HTR2C: variants seen among roughly 807,000 people sequenced by gnomAD.
HTR2C encodes the protein 5-hydroxytryptamine (serotonin) receptor 2C, G protein-coupled.
In HTR2C, 5 loss-of-function variants were observed where a neutral mutation model predicts 21.0. The ratio of observed to expected loss-of-function variants is 0.24; its 90% confidence interval spans 0.12 to 0.50. The LOEUF is 0.50. Ranked by LOEUF, HTR2C falls within the 20% of genes least tolerant of loss-of-function variation. HTR2C has a pLI of 0.98. For missense variants in HTR2C, 271 were observed against 371.2 expected (o/e 0.73, Z 2.22); for synonymous variants, 150 against 145.3 (o/e 1.03, Z -0.23).
chrX:114,850,374 G>A (rs1431355395), intron 5 of HTR2C, among the ~76,000 whole-genome samples: 8 of 110,842 alleles, frequency 7.2e-5, no homozygotes, highest in Non-Finnish European at 9.4e-5. Context: ...ATGCCACTGC[G>A]CTCCAGCCTG....
chrX:114,673,964 ACTGT>A (rs1261726741), intron 2 of HTR2C, among the ~76,000 whole-genome samples: 3 of 111,936 alleles, frequency 2.7e-5, no homozygotes, highest in African/African-American at 6.5e-5. Flanking sequence ...CACATCAGAC[ACTGT>A]CTGTTTCAAG....
intron 5 of HTR2C, among the ~76,000 whole-genome samples, chrX:114,892,550 A>G (rs2071266033): frequency 8.9e-6 from 1 of 111,864 alleles, no homozygotes; most frequent in South Asian, 3.7e-4. Context: ...ACTAATATCA[A>G]TAAGTAATTT....
At chrX:114,678,953 A>G (rs1225916057) in intron 2 of HTR2C, among the ~76,000 whole-genome samples, 1 of 111,823 alleles carries the variant, frequency 8.9e-6, no homozygotes, top group African/African-American at 3.3e-5. Context: ...CTTCCTCAAG[A>G]GTTTCCTCAA....
At chrX:114,670,066 C>A (rs1367993246) in intron 2 of HTR2C, among the ~76,000 whole-genome samples, 1 of 110,395 alleles carries the variant, frequency 9.1e-6, no homozygotes, top group Non-Finnish European at 1.9e-5. Flanking sequence ...TGGTGAAACC[C>A]TGTCTCTACA....
intron 1 of HTR2C, 55 bp downstream of exon 1, chrX:114,584,714 G>A (rs1207987559): frequency 2.7e-5 from 3 of 111,854 alleles, no homozygotes; most frequent in African/African-American, 9.8e-5. Context: ...ATTTAGGCGG[G>A]GGATGGGGTG....
At chrX:114,753,268 A>G (rs1303716513) in intron 4 of HTR2C, among the ~76,000 whole-genome samples, 1 of 111,354 alleles carries the variant, frequency 9.0e-6, no homozygotes, top group East Asian at 2.8e-4. Flanking sequence ...ATAGCAGTGG[A>G]AACAGTCCTG....
intron 1 of HTR2C, among the ~76,000 whole-genome samples, chrX:114,606,010 C>G (rs1928405070): frequency 9.9e-6 from 1 of 101,321 alleles, no homozygotes. Flanking sequence ...GATTGGGGCA[C>G]AGTGATAAGA....
At chrX:114,658,095 A>G (rs918460042) in intron 2 of HTR2C, among the ~76,000 whole-genome samples, 1 of 111,629 alleles carries the variant, frequency 9.0e-6, no homozygotes, top group African/African-American at 3.2e-5. Context: ...TGGTTTCTCC[A>G]TGATCCTTGC....
chrX:114,604,528 T>TG (rs1928306316), intron 1 of HTR2C, among the ~76,000 whole-genome samples: 1 of 109,983 alleles, frequency 9.1e-6, no homozygotes, highest in Non-Finnish European at 1.9e-5. Context: ...TGTGATGGTC[T>TG]AGGGGGCTTC....
chrX:114,717,442 T>TAGAAAA (rs1439299813), intron 2 of HTR2C: 3 of 112,320 alleles, frequency 2.7e-5, no homozygotes, highest in Admixed American at 9.5e-5. Context: ...TGCTGCATCA[T>TAGAAAA]TATAATGTGC....
intron 4 of HTR2C, among the ~76,000 whole-genome samples, chrX:114,794,336 C>T (rs1207169462): frequency 9.1e-6 from 1 of 110,101 alleles, no homozygotes; most frequent in Admixed American, 9.8e-5. Flanking sequence ...AGGATGTGTT[C>T]TTCTTCAATT....
At chrX:114,732,538 A>C (rs2069547016) in intron 4 of HTR2C, among the ~76,000 whole-genome samples, 1 of 111,437 alleles carries the variant, frequency 9.0e-6, no homozygotes, top group Admixed American at 9.6e-5. Context: ...CTCTCATGTA[A>C]TGTAAAAATT....
intron 4 of HTR2C, among the ~76,000 whole-genome samples, chrX:114,780,094 G>A (rs1198424760): frequency 1.8e-5 from 2 of 111,648 alleles, no homozygotes; most frequent in Admixed American, 1.9e-4. Flanking sequence ...ATTGTATTAG[G>A]TATTATAAGT....
Position 114,909,437 on chromosome X carries a change from T to A in HTR2C, c.*2022T>A, listed in dbSNP as rs1871646330. The A allele has an allele frequency of 8.9e-6, 1 of 112,060 alleles. No individual in the cohort carries two copies. Among genetic ancestry groups the A allele is most frequent in the Admixed American group, 9.5e-5 (1 of 10,526 alleles). 9.2% of individuals were successfully genotyped at this position (112,060 alleles called of 1,213,427 possible). ...CTGATAGAAGAAGGACTGAAGAAAA[T>A]CCTTCAGCAATCCTTAAAAAGACCA... is the stretch of plus-strand genomic sequence containing the variant. On this transcript the variant is annotated 3_prime_UTR_variant, in exon 6 of 6. Coordinates refer to ENST00000276198, the MANE Select transcript of HTR2C (RefSeq NM_000868.4).
chrX:114,765,617 C>A (rs781940330), intron 4 of HTR2C, among the ~76,000 whole-genome samples: 1 of 111,263 alleles, frequency 9.0e-6, no homozygotes, highest in African/African-American at 3.3e-5. Context: ...ACAACAACAA[C>A]AACAAATATT....
intron 5 of HTR2C, among the ~76,000 whole-genome samples, chrX:114,857,496 C>G (rs1050202436): frequency 1.8e-5 from 2 of 111,241 alleles, no homozygotes; most frequent in Non-Finnish European, 3.8e-5. Flanking sequence ...CCTACTGACT[C>G]ATAATGTTGG....
chrX:114,654,545 CT>C (rs1268386967), intron 2 of HTR2C, among the ~76,000 whole-genome samples: 25 of 104,247 alleles, frequency 2.4e-4, no homozygotes, highest in African/African-American at 2.4e-4. Context: ...GGCTGTTTTT[CT>C]TTTTTTTTTA....
intron 4 of HTR2C, among the ~76,000 whole-genome samples, chrX:114,841,234 C>A (rs1433203155): frequency 8.9e-6 from 1 of 112,142 alleles, no homozygotes; most frequent in Non-Finnish European, 1.9e-5. Flanking sequence ...TTCTCACTAA[C>A]AACTCCAGCA....
At chrX:114,857,887 G>A (rs955660196) in intron 5 of HTR2C, among the ~76,000 whole-genome samples, 9 of 110,796 alleles carry the variant, frequency 8.1e-5, no homozygotes, top group Admixed American at 1.9e-4. Flanking sequence ...TAATGTATAC[G>A]TCTGATGCGA....
Sources: gnomAD v4.1 joint callset for allele counts (sites outside exome capture counted in the v4.1 genomes callset) on GRCh38, gnomAD v4.1.1 for gene constraint, MANE v1.5 for transcripts, NCBI Gene and HGNC (gene_info 2026-07-23, HGNC 2026-07-21) for gene names.